Variants in CNTNAP2 observed in about 807,000 individuals in gnomAD.
CNTNAP2 encodes contactin associated protein 2.
A neutral mutation model predicts 155.2 loss-of-function variants in CNTNAP2; 98 were observed. The observed-to-expected ratio is 0.63, with a 90% CI of 0.54 to 0.75. CNTNAP2 has a LOEUF of 0.75. Ranked by LOEUF, CNTNAP2 falls within the 30% of genes least tolerant of loss-of-function variation. The pLI, the probability that CNTNAP2 is intolerant of heterozygous loss-of-function variation, is 0.00. For missense variants in CNTNAP2, 1,727 were observed against 1,688.1 expected (o/e 1.02, Z -0.40); for synonymous variants, 651 against 631.2 (o/e 1.03, Z -0.47).
chr7:148,301,417 C>T (rs1421748529), intron 21 of CNTNAP2, among the ~76,000 whole-genome samples: 1 of 148,752 alleles, frequency 6.7e-6, no homozygotes. Flanking sequence ...GCCTCAGTGA[C>T]ATTATCTGTG....
At chr7:146,969,720 A>G (rs1334239119) in intron 3 of CNTNAP2, among the ~76,000 whole-genome samples, 1 of 152,020 alleles carries the variant, frequency 6.6e-6, no homozygotes, top group Non-Finnish European at 1.5e-5. Context: ...TTTAAAGTTC[A>G]TATGGCACCA....
intron 21 of CNTNAP2, among the ~76,000 whole-genome samples, chr7:148,337,615 C>T (rs1206866196): frequency 6.6e-6 from 1 of 152,234 alleles, no homozygotes; most frequent in Non-Finnish European, 1.5e-5. Flanking sequence ...AGTCTCTCCA[C>T]TTTAGAGCTT....
intron 3 of CNTNAP2, among the ~76,000 whole-genome samples, chr7:146,968,013 G>T (rs1797694430): frequency 7.1e-6 from 1 of 141,352 alleles, no homozygotes; most frequent in South Asian, 2.3e-4. Context: ...AGAGTTTTTA[G>T]CATGAAGCGG....
intron 12 of CNTNAP2, among the ~76,000 whole-genome samples, chr7:147,578,060 T>A (rs1271209203): frequency 3.3e-5 from 5 of 152,134 alleles, no homozygotes; most frequent in African/African-American, 1.2e-4. Context: ...AATCTATCTG[T>A]ATGTAACTAT....
At chr7:146,959,423 T>A (rs932533687) in intron 3 of CNTNAP2, among the ~76,000 whole-genome samples, 1 of 151,908 alleles carries the variant, frequency 6.6e-6, no homozygotes, top group Non-Finnish European at 1.5e-5. Context: ...ATTATTTTTT[T>A]TAAAAAAGAA....
At chr7:148,029,069 G>A (rs1802421656) in intron 15 of CNTNAP2, among the ~76,000 whole-genome samples, 1 of 150,510 alleles carries the variant, frequency 6.6e-6, no homozygotes. Context: ...AAAAGATTGT[G>A]CCCTACCAGA....
chr7:147,330,551 A>C (rs1029580437), intron 9 of CNTNAP2, among the ~76,000 whole-genome samples: 2 of 152,148 alleles, frequency 1.3e-5, no homozygotes, highest in Non-Finnish European at 2.9e-5. Context: ...TGAGTCCTTC[A>C]CCTGAAGGGT....
intron 13 of CNTNAP2, among the ~76,000 whole-genome samples, chr7:147,899,254 G>A (rs1799823191): frequency 6.6e-6 from 1 of 152,098 alleles, no homozygotes; most frequent in Non-Finnish European, 1.5e-5. Flanking sequence ...GTGGGAGGAT[G>A]GCTTGAGTCC....
chr7:147,502,438 A>G (rs1221165523), intron 11 of CNTNAP2, among the ~76,000 whole-genome samples: 2 of 151,166 alleles, frequency 1.3e-5, no homozygotes, highest in Non-Finnish European at 3.0e-5. Flanking sequence ...CTAAAAAAAA[A>G]TGAAATGTCA....
At chr7:146,914,643 A>T (rs1450916538) in intron 3 of CNTNAP2, among the ~76,000 whole-genome samples, 2 of 150,772 alleles carry the variant, frequency 1.3e-5, no homozygotes, top group Admixed American at 6.6e-5. Flanking sequence ...TTTTGGTGGG[A>T]TTGTTTTTTT....
chr7:146,322,293 G>A (rs1314441992), intron 1 of CNTNAP2, among the ~76,000 whole-genome samples: 2 of 152,148 alleles, frequency 1.3e-5, no homozygotes, highest in Non-Finnish European at 2.9e-5. Context: ...TCACAGTAAA[G>A]AATTCCCCTT....
Position 148,417,318 on chromosome 7 carries a change from C to T in CNTNAP2, c.*1702C>T, listed in dbSNP as rs1800016882. 6.6e-6 allele frequency: 1 copy of T among 152,558 alleles called. No individual in the cohort carries two copies. Among genetic ancestry groups the T allele is most frequent in the Non-Finnish European group, 1.5e-5 (1 of 68,034 alleles). The allele number at this position is 152,558 out of a possible 1,614,324, so 9.5% of individuals were successfully genotyped here. A position where few individuals can be genotyped will look rare whatever the true frequency, so the allele number is the denominator to read the frequency against. On this transcript the variant is annotated 3_prime_UTR_variant, in exon 24 of 24. Transcript: ENST00000361727. ...CATCAGTTTCTTGGGTAATGGAAAA[C>T]ATTACCTAGAGTTGCCAGTGGCACA... is the stretch of plus-strand genomic sequence containing the variant.
At chr7:146,593,672 C>A (rs1046948272) in intron 1 of CNTNAP2, among the ~76,000 whole-genome samples, 1 of 152,072 alleles carries the variant, frequency 6.6e-6, no homozygotes, top group South Asian at 2.1e-4. Context: ...AATGCTCCCC[C>A]ACCTCTGTAT....
chr7:147,707,821 GTA>G (rs1489011884), intron 13 of CNTNAP2, among the ~76,000 whole-genome samples: 5 of 152,230 alleles, frequency 3.3e-5, no homozygotes, highest in African/African-American at 1.2e-4. Flanking sequence ...CCCACCTGTG[GTA>G]TGTGTACGTG....
At chr7:146,420,619 C>T (rs903270231) in intron 1 of CNTNAP2, among the ~76,000 whole-genome samples, 8 of 152,038 alleles carry the variant, frequency 5.3e-5, no homozygotes, top group Non-Finnish European at 1.2e-4. Context: ...TCACCCCAAA[C>T]TAAAGTCTTC....
At chr7:147,191,871 G>C (rs1275057026) in intron 8 of CNTNAP2, among the ~76,000 whole-genome samples, 3 of 152,076 alleles carry the variant, frequency 2.0e-5, no homozygotes, top group Non-Finnish European at 4.4e-5. Context: ...CAAGAGCATG[G>C]GCAACTCTGT....
At chr7:147,674,898 G>A (rs1009300564) in intron 13 of CNTNAP2, among the ~76,000 whole-genome samples, 19 of 151,800 alleles carry the variant, frequency 1.3e-4, no homozygotes, top group African/African-American at 3.6e-4. Flanking sequence ...TAAAAATTAT[G>A]CATGATCAGC....
chr7:147,416,149 T>C (rs930205624), intron 10 of CNTNAP2, among the ~76,000 whole-genome samples: 3 of 152,226 alleles, frequency 2.0e-5, no homozygotes, highest in African/African-American at 7.2e-5. Context: ...TTTCTTTCCA[T>C]CAGCCTCTGT....
chr7:148,321,065 A>G (rs1210561499), intron 21 of CNTNAP2, among the ~76,000 whole-genome samples: 1 of 152,172 alleles, frequency 6.6e-6, no homozygotes, highest in Admixed American at 6.5e-5. Context: ...ACATATGCAA[A>G]TACTAGAAAT....
Sources: allele counts gnomAD v4.1 joint callset (sites outside exome capture counted in the v4.1 genomes callset), GRCh38; gene constraint gnomAD v4.1.1; transcripts MANE v1.5; gene names NCBI Gene and HGNC (gene_info 2026-07-23, HGNC 2026-07-21).